The following ABCA12 variants were observed in gnomAD, a reference collection of about 807,000 sequenced individuals.
The protein encoded by ABCA12 is ATP binding cassette subfamily A member 12.
In ABCA12, 156 loss-of-function variants were observed where a neutral mutation model predicts 293.5. The ratio of observed to expected loss-of-function variants is 0.53; its 90% confidence interval spans 0.47 to 0.61. The LOEUF is 0.61. Among genes scored for constraint, ABCA12 ranks in the 20% least tolerant of loss-of-function variants. The probability of loss-of-function intolerance (pLI) is 0.00; values close to 1 mark genes in which losing one functional copy is unlikely to be tolerated. For synonymous variants in ABCA12, 1,063 were observed against 1,108.0 expected, an observed-to-expected ratio of 0.96 and a Z score of 0.81; for missense variants, 2,797 against 3,090.2, an observed-to-expected ratio of 0.91 and a Z score of 2.25.
In ABCA12 at chr2:215,054,655, C is replaced by T; in HGVS notation, c.327G>A (p.Leu109=). The T allele has an allele frequency of 1.2e-6, 2 of 1,611,198 alleles. No homozygotes were observed. Among genetic ancestry groups the T allele is most frequent in the Non-Finnish European group, 1.7e-6 (2 of 1,177,868 alleles). Residue 109 remains leucine (L), a synonymous_variant, in exon 4 of 53, where the codon CTG becomes CTA. Transcript: ENST00000272895. Reference sequence around the variant, plus strand: ...CCTTATCCAGGTTGGATGACTTTCTCAGAATCTCACTAGAGAAGAAAAAGC... The same window carrying T: ...CCTTATCCAGGTTGGATGACTTTCTTAGAATCTCACTAGAGAAGAAAAAGC... ...DDALFKDSEI[L]RKSSNLDKDS...
At chr2:214,970,218 C>T (rs1699356069) in intron 37 of ABCA12, 55 bp downstream of exon 37, 3 of 1,546,086 alleles carry the variant, frequency 1.9e-6, no homozygotes, top group Non-Finnish European at 2.6e-6. Flanking sequence ...CTTTAGAAGG[C>T]AGCTACCATT....
chr2:215,119,171 A>G (rs1388762308), intron 1 of ABCA12, among the ~76,000 whole-genome samples: 2 of 152,098 alleles, frequency 1.3e-5, no homozygotes, highest in African/African-American at 4.8e-5. Flanking sequence ...GGGTTTCACC[A>G]TGTTGACCAG....
chr2:214,992,163 C>A (rs895160093), intron 23 of ABCA12, among the ~76,000 whole-genome samples: 2 of 151,978 alleles, frequency 1.3e-5, no homozygotes, highest in Non-Finnish European at 1.5e-5. Context: ...TTAATGAGGG[C>A]CGATCACGGT....
At chr2:215,042,605 A>C (rs1323707681) in intron 7 of ABCA12, among the ~76,000 whole-genome samples, 3 of 152,122 alleles carry the variant, frequency 2.0e-5, no homozygotes, top group Non-Finnish European at 4.4e-5. Flanking sequence ...TATAGAGTAC[A>C]GTGTGATAAT....
chr2:214,939,734 TG>T (rs1698335619), intron 50 of ABCA12, among the ~76,000 whole-genome samples: 1 of 152,212 alleles, frequency 6.6e-6, no homozygotes, highest in African/African-American at 2.4e-5. Context: ...CAATTGTGAA[TG>T]GGAGTTTACT....
At position 214,966,850 on chromosome 2, in the gene ABCA12, T is replaced by C. The variant is rs1346703716; in HGVS notation, c.5882A>G (p.His1961Arg). The change falls in exon 39 of 53, where the codon CAT (histidine) becomes CGT (arginine). Residue 1961 changes from histidine to arginine, a missense_variant and splice_region_variant. Coordinates refer to ENST00000272895, the MANE Select transcript of ABCA12 (RefSeq NM_173076.3). ...CACTTTTGTGTTAGTAACTTTACCATGTCGGGCAGCATCGTATTTTGACAT... is the reference window on the plus strand; with the variant it reads ...CACTTTTGTGTTAGTAACTTTACCACGTCGGGCAGCATCGTATTTTGACAT... ...VNMSKYDAAR[H>R]GIIMYSHPYP... The C allele has an allele frequency of 4.3e-6, 7 of 1,613,528 alleles. No individual in the cohort carries two copies. Among genetic ancestry groups the C allele is most frequent in the Non-Finnish European group, 4.2e-6 (5 of 1,179,676 alleles).
At chr2:215,028,248 T>C (rs928581781) in intron 9 of ABCA12, among the ~76,000 whole-genome samples, 1 of 152,308 alleles carries the variant, frequency 6.6e-6, no homozygotes, top group South Asian at 2.1e-4. Context: ...TTTTCATCAA[T>C]ATTAAAGAAG....
chr2:215,056,296 G>A (rs1372212921), intron 3 of ABCA12, among the ~76,000 whole-genome samples: 3 of 152,028 alleles, frequency 2.0e-5, no homozygotes, highest in Non-Finnish European at 2.9e-5. Flanking sequence ...ATTCAGAAAC[G>A]AAACCTAAAA....
At chr2:215,035,663 T>TC (rs1273582420) in intron 8 of ABCA12, 50 of 82,398 alleles carry the variant, frequency 6.1e-4, no homozygotes, top group African/African-American at 2.3e-3. Flanking sequence ...AGACTCCATC[T>TC]CAAAAAAAAA....
rs922261255 is a variant in ABCA12, at chr2:214,986,582, A to C, written c.4123T>G (p.Ser1375Ala). 5 of 1,614,022 alleles carry C rather than the reference A, an allele frequency of 3.1e-6. No homozygotes were observed. The highest frequency in any genetic ancestry group is 3.4e-6 in the Non-Finnish European group (4 of 1,180,020). The change falls in exon 28 of 53, where the codon TCA becomes GCA. Residue 1375 changes from serine to alanine, a missense_variant. This residue lies in a region of ABCA12 where 2,130 missense variants were observed against 2,427.0 expected (regional missense o/e 0.88). Transcript: ENST00000272895. The part of the protein sequence containing the change: ...NLNFYEGHIT[S>A]LLGPNGAGKT... ...CCAGCTCCATTGGGCCCCAGCAATGAAGTAATATGCCCTTCATAAAAGTTC... is the reference window on the plus strand; with the variant it reads ...CCAGCTCCATTGGGCCCCAGCAATGCAGTAATATGCCCTTCATAAAAGTTC...
chr2:215,105,923 C>G (rs923037184), intron 2 of ABCA12, among the ~76,000 whole-genome samples: 3 of 151,910 alleles, frequency 2.0e-5, no homozygotes, highest in Non-Finnish European at 2.9e-5. Flanking sequence ...CTCCTCAGAA[C>G]AACAACAACA....
intron 51 of ABCA12, 88 bp from the exon 52 acceptor site, chr2:214,934,303 A>C (rs1698153439): frequency 7.0e-7 from 1 of 1,427,020 alleles, no homozygotes; most frequent in East Asian, 2.3e-5. Flanking sequence ...GTTCAGGAAA[A>C]TAACTGAAGT....
chr2:214,984,350 C>G (rs1040298134), intron 28 of ABCA12, among the ~76,000 whole-genome samples: 1 of 152,166 alleles, frequency 6.6e-6, no homozygotes, highest in African/African-American at 2.4e-5. Context: ...CACGCCTTGG[C>G]CTCCCAAAGT....
chr2:215,088,641 C>A (rs1434411970), intron 2 of ABCA12, among the ~76,000 whole-genome samples: 1 of 152,076 alleles, frequency 6.6e-6, no homozygotes, highest in Non-Finnish European at 1.5e-5. Context: ...AGACTGGAAA[C>A]AAAGCTGTCA....
chr2:214,949,264 C>T (rs1053089102), intron 45 of ABCA12, 115 bp from the exon 46 acceptor site: 1 of 798,310 alleles, frequency 1.3e-6, no homozygotes, highest in Non-Finnish European at 2.2e-6. Flanking sequence ...AAATAAATCT[C>T]TGGAATTATT....
intron 22 of ABCA12, among the ~76,000 whole-genome samples, chr2:214,998,414 T>A (rs781674701): frequency 2.6e-5 from 4 of 152,204 alleles, no homozygotes; most frequent in Non-Finnish European, 4.4e-5. Context: ...TGCCTCGGCC[T>A]CCCAAAGTGC....
At chr2:215,084,004 G>T (rs1019856352) in intron 2 of ABCA12, among the ~76,000 whole-genome samples, 2 of 151,814 alleles carry the variant, frequency 1.3e-5, no homozygotes, top group African/African-American at 4.8e-5. Context: ...TTGAGACAGG[G>T]TCTTACTGTG....
chr2:214,990,613 T>C (rs1699890073), intron 24 of ABCA12, 89 bp downstream of exon 24: 3 of 1,352,838 alleles, frequency 2.2e-6, no homozygotes, highest in Non-Finnish European at 3.1e-6. Context: ...TTAAGATAAG[T>C]GAACTTTCAG....
In ABCA12 at chr2:215,045,973, T is replaced by C; in HGVS notation, c.736A>G (p.Ile246Val). ...PNNQKIVFQE[I>V]VRMLSFFSQV... is the part of the protein sequence containing the mutation. ...GAGAAGAAAGACAGCATTCTGACTA[T>C]TTCCTGAAACACTATCTTCTGATTG... The change falls in exon 7 of 53, where the codon ATA becomes GTA. Residue 246 changes from isoleucine (I) to valine (V), a missense_variant. Physicochemically the swap from Ile to Val is conservative, Grantham distance 29 (BLOSUM62 3). Coordinates refer to ENST00000272895, the MANE Select transcript of ABCA12 (RefSeq NM_173076.3). 1 of 1,613,756 alleles carries C rather than the reference T, an allele frequency of 6.2e-7. No homozygotes were observed. Among genetic ancestry groups the C allele is most frequent in the Non-Finnish European group, 8.5e-7 (1 of 1,179,792 alleles).
Sources: allele counts gnomAD v4.1 joint callset (sites outside exome capture counted in the v4.1 genomes callset), GRCh38; gene constraint gnomAD v4.1.1; regional missense constraint gnomAD v4.1.1; transcripts MANE v1.5; gene names NCBI Gene and HGNC (gene_info 2026-07-23, HGNC 2026-07-21).